The following KLF8 variants were observed in gnomAD, a reference collection of about 807,000 sequenced individuals.
The protein encoded by KLF8 is KLF transcription factor 8.
A neutral mutation model predicts 18.2 loss-of-function variants in KLF8; 10 were observed. The ratio of observed to expected loss-of-function variants is 0.55; its 90% confidence interval spans 0.34 to 0.93. KLF8 has a LOEUF of 0.93. Ranked by LOEUF, KLF8 falls within the 40% of genes least tolerant of loss-of-function variation. The pLI, the probability that KLF8 is intolerant of heterozygous loss-of-function variation, is 0.02. For synonymous variants in KLF8, 109 were observed against 97.3 expected (o/e 1.12, Z -0.71); for missense variants, 264 against 277.9 (o/e 0.95, Z 0.36).
chrX:56,175,165 T>C, the KLF8 span, among the ~76,000 whole-genome samples: 7 of 111,681 alleles, frequency 6.3e-5, no homozygotes, highest in Non-Finnish European at 1.1e-4. Context: ...CTGTGGCTTC[T>C]CTGGTTCTTT....
the KLF8 span, among the ~76,000 whole-genome samples, chrX:56,049,827 G>C: frequency 3.7e-4 from 41 of 109,420 alleles, no homozygotes; most frequent in African/African-American, 1.4e-3. Flanking sequence ...GATTGGAATA[G>C]CTTCAGAAGG....
the KLF8 span, among the ~76,000 whole-genome samples, chrX:55,972,290 A>G: frequency 3.6e-5 from 4 of 111,505 alleles, no homozygotes; most frequent in Non-Finnish European, 7.6e-5. Context: ...GCATGAAAAG[A>G]CAAACTTTGC....
the KLF8 span, among the ~76,000 whole-genome samples, chrX:56,114,296 C>G: frequency 8.9e-6 from 1 of 112,541 alleles, no homozygotes; most frequent in East Asian, 2.8e-4. Context: ...TAGGCCATCT[C>G]CAGCGTGCTG....
At chrX:56,132,631 A>T in the KLF8 span, among the ~76,000 whole-genome samples, 1 of 111,688 alleles carries the variant, frequency 9.0e-6, no homozygotes, top group African/African-American at 3.2e-5. Flanking sequence ...AGAAAAACAA[A>T]ACTCAAACCC....
At chrX:56,009,667 C>A in the KLF8 span, among the ~76,000 whole-genome samples, 2 of 111,519 alleles carry the variant, frequency 1.8e-5, no homozygotes, top group South Asian at 7.5e-4. Context: ...TTTTGCTGAA[C>A]TAAAAAAGCA....
chrX:56,078,783 T>G, the KLF8 span, among the ~76,000 whole-genome samples: 2 of 111,409 alleles, frequency 1.8e-5, no homozygotes, highest in Non-Finnish European at 3.8e-5. Flanking sequence ...GGACTCTTTT[T>G]TGTTGGTAAG....
the KLF8 span, among the ~76,000 whole-genome samples, chrX:56,107,528 G>A: frequency 1.5e-4 from 17 of 112,004 alleles, no homozygotes; most frequent in African/African-American, 5.2e-4. Context: ...CGCCAAGCCC[G>A]GCACTGGAGA....
intron 2 of KLF8, among the ~76,000 whole-genome samples, chrX:56,254,248 G>T (rs960206123): frequency 8.9e-6 from 1 of 112,039 alleles, no homozygotes; most frequent in African/African-American, 3.2e-5. Flanking sequence ...CCTAGCTGGC[G>T]CTTTGGCACT....
At chrX:56,053,530 GAA>G in the KLF8 span, among the ~76,000 whole-genome samples, 1 of 58,457 alleles carries the variant, frequency 1.7e-5, no homozygotes, top group Non-Finnish European at 3.5e-5. Flanking sequence ...AATTTAGGGA[GAA>G]GTCTTTTCTT....
the KLF8 span, among the ~76,000 whole-genome samples, chrX:56,172,625 A>G: frequency 6.3e-5 from 7 of 111,921 alleles, no homozygotes; most frequent in Admixed American, 4.7e-4. Context: ...ATACCCAGTA[A>G]TGGGATAGCT....
the KLF8 span, among the ~76,000 whole-genome samples, chrX:56,207,188 G>A: frequency 0.032 from 3,570 of 112,453 alleles, 55 homozygotes; most frequent in South Asian, 0.054. Flanking sequence ...GGGCTGCTGT[G>A]AAGACCTCTG....
the KLF8 span, among the ~76,000 whole-genome samples, chrX:56,069,590 G>C: frequency 1.8e-5 from 2 of 111,791 alleles, no homozygotes; most frequent in South Asian, 7.5e-4. Flanking sequence ...CGAGCTTCTG[G>C]CCCAGCAGTT....
At chrX:56,077,756 G>T in the KLF8 span, among the ~76,000 whole-genome samples, 9 of 111,732 alleles carry the variant, frequency 8.1e-5, no homozygotes, top group Non-Finnish European at 1.7e-4. Flanking sequence ...TCATGATACT[G>T]ATTCTTCCTA....
chrX:56,194,301 C>T, the KLF8 span, among the ~76,000 whole-genome samples: 1 of 111,532 alleles, frequency 9.0e-6, no homozygotes, highest in Non-Finnish European at 1.9e-5. Context: ...GGGGGATATC[C>T]CTTTCCTACC....
chrX:56,234,685 G>A (rs1457786706), intron 1 of KLF8, among the ~76,000 whole-genome samples: 1 of 112,101 alleles, frequency 8.9e-6, no homozygotes, highest in East Asian at 2.8e-4. Context: ...CTCATTCTTT[G>A]GGCAACTTAA....
the KLF8 span, among the ~76,000 whole-genome samples, chrX:56,076,612 T>C: frequency 9.0e-6 from 1 of 111,613 alleles, no homozygotes; most frequent in African/African-American, 3.3e-5. Context: ...CGTGTGCATG[T>C]GTCTTTATAG....
chrX:55,955,681 G>A, the KLF8 span, among the ~76,000 whole-genome samples: 3 of 111,262 alleles, frequency 2.7e-5, no homozygotes, highest in South Asian at 3.8e-4. Flanking sequence ...TCAGCATTTC[G>A]TTAGGTTCTA....
chrX:55,960,734 C>A, the KLF8 span, among the ~76,000 whole-genome samples: 1 of 112,170 alleles, frequency 8.9e-6, no homozygotes, highest in Non-Finnish European at 1.9e-5. Context: ...ACCACAAAAA[C>A]ACACTTAAGT....
chrX:56,224,980 C>G, the KLF8 span, among the ~76,000 whole-genome samples: 2 of 110,721 alleles, frequency 1.8e-5, no homozygotes, highest in African/African-American at 6.6e-5. Context: ...GGGGTGAACT[C>G]GTTCCCTGAA....
Sources: gnomAD v4.1 joint callset for allele counts (sites outside exome capture counted in the v4.1 genomes callset) on GRCh38, gnomAD v4.1.1 for gene constraint, MANE v1.5 for transcripts, NCBI Gene and HGNC (gene_info 2026-07-23, HGNC 2026-07-21) for gene names.